Variants in C4orf50 observed in about 807,000 individuals in gnomAD.
C4orf50 encodes the protein chromosome 4 open reading frame 50, also known as uncharacterized protein C4orf50.
A neutral mutation model predicts 77.2 loss-of-function variants in C4orf50; 80 were observed. That is an observed-to-expected ratio of 1.04 (90% CI 0.87 to 1.25). The LOEUF (loss-of-function observed/expected upper bound fraction) is 1.25. Among genes scored for constraint, C4orf50 ranks in the 50% most tolerant of loss-of-function variants. The pLI is 0.00. For missense variants in C4orf50, 1,257 were observed against 1,152.9 expected, an observed-to-expected ratio of 1.09 and a Z score of -1.31; for synonymous variants, 532 against 465.3, an observed-to-expected ratio of 1.14 and a Z score of -1.84.
intron 7 of C4orf50, among the ~76,000 whole-genome samples, chr4:5,930,512 G>A (rs918425821): frequency 6.6e-6 from 1 of 152,268 alleles, no homozygotes; most frequent in Admixed American, 6.5e-5. Context: ...AAAGTGTTCA[G>A]GTTTTGTGAA....
intron 27 of C4orf50, among the ~76,000 whole-genome samples, chr4:5,991,714 A>T (rs7697907): frequency 0.46 from 70,504 of 151,814 alleles, 17,466 homozygotes; most frequent in East Asian, 0.84. Flanking sequence ...GAGCAGGTCT[A>T]AGACACAGAA....
At chr4:5,930,988 A>G (rs1352402502) in intron 7 of C4orf50, among the ~76,000 whole-genome samples, 1 of 152,224 alleles carries the variant, frequency 6.6e-6, no homozygotes. Context: ...CGCCTCGTGC[A>G]TAAATGAGCA....
intron 32 of C4orf50, among the ~76,000 whole-genome samples, chr4:5,965,436 C>T (rs1255665293): frequency 3.3e-5 from 5 of 152,246 alleles, no homozygotes; most frequent in South Asian, 4.1e-4. Flanking sequence ...GGACCACTGC[C>T]TTTGCAAGCC....
exon 28 of C4orf50, chr4:5,990,576 T>C (rs1383573653): frequency 1.3e-5 from 5 of 398,990 alleles, no homozygotes; most frequent in African/African-American, 6.2e-5. Flanking sequence ...CTTGGATTTT[T>C]TGTCCATCTG....
At chr4:5,928,760 T>G (rs1717633926) in intron 7 of C4orf50, among the ~76,000 whole-genome samples, 1 of 152,230 alleles carries the variant, frequency 6.6e-6, no homozygotes, top group African/African-American at 2.4e-5. Context: ...AATGAACATG[T>G]CAAACGCTTT....
intron 7 of C4orf50, among the ~76,000 whole-genome samples, chr4:5,938,665 T>A (rs948138806): frequency 3.3e-5 from 5 of 152,208 alleles, no homozygotes; most frequent in Non-Finnish European, 7.3e-5. Context: ...ATAACCTTTT[T>A]TATATTTAAT....
chr4:5,958,010 C>T lies in C4orf50; in HGVS notation c.*1365G>A, dbSNP rs1277220371. On this transcript the variant is annotated 3_prime_UTR_variant, in exon 34 of 34. Transcript: ENST00000531445. This position sits in a 1 kb window ranked among gnomAD's most constrained non-coding sequence, Gnocchi z 5.4. ...TACACTTTGACACTTCCTGGGGAGC[C>T]GTCAGTTCCTTGTCCTTGTCCTTGT... 2.0e-5 allele frequency: 3 copies of T among 152,220 alleles called. No homozygotes were observed. The highest frequency in any genetic ancestry group is 1.9e-4 in the East Asian group (1 of 5,200). 9.4% of individuals were successfully genotyped at this position (152,220 alleles called of 1,614,324 possible).
At chr4:5,965,734 G>A (rs1428480128) in intron 32 of C4orf50, among the ~76,000 whole-genome samples, 2 of 152,184 alleles carry the variant, frequency 1.3e-5, no homozygotes, top group African/African-American at 4.8e-5. Flanking sequence ...ATCCTGAGGC[G>A]TCAAAGACTG....
intron 28 of C4orf50, among the ~76,000 whole-genome samples, chr4:5,981,263 T>C (rs1252615710): frequency 1.3e-5 from 2 of 152,184 alleles, no homozygotes; most frequent in Non-Finnish European, 2.9e-5. Context: ...GTGGCCGTGC[T>C]GAACACTCGG....
At chr4:5,927,997 G>A (rs1327859291) in intron 7 of C4orf50, among the ~76,000 whole-genome samples, 1 of 152,174 alleles carries the variant, frequency 6.6e-6, no homozygotes, top group Non-Finnish European at 1.5e-5. Flanking sequence ...CGCACAGGAG[G>A]CCTGCCTCAC....
intron 7 of C4orf50, among the ~76,000 whole-genome samples, chr4:5,951,646 G>C (rs114910244): frequency 6.6e-6 from 1 of 152,078 alleles, no homozygotes; most frequent in Non-Finnish European, 1.5e-5. Flanking sequence ...TAAGACAGAC[G>C]GCATGAAATA....
chr4:5,980,358 G>C lies in C4orf50; in HGVS notation c.3700-20C>G, dbSNP rs1371762100. ...CCGGAGCTGCGGAAATCACAGATTT[G>C]AATGAAATGTTTAGGTTATCCTTCA... On this transcript the variant is annotated intron_variant, in intron 28 of 33. Transcript: ENST00000531445. 8 of 1,606,272 alleles carry C rather than the reference G, an allele frequency of 5.0e-6. 1 individual carries two copies. The highest frequency in any genetic ancestry group is 3.4e-5 in the South Asian group (3 of 89,524).
At chr4:5,990,623 C>A (rs1169150986) in exon 28 of C4orf50, 7 of 398,976 alleles carry the variant, frequency 1.8e-5, no homozygotes, top group Non-Finnish European at 2.7e-5. Flanking sequence ...CGCCAAGAAG[C>A]GGAGTCCCCA....
intron 25 of C4orf50, among the ~76,000 whole-genome samples, chr4:5,998,314 C>T (rs577067416): frequency 1.3e-5 from 2 of 152,278 alleles, no homozygotes; most frequent in African/African-American, 4.8e-5. Flanking sequence ...CTTCCTTTTA[C>T]ATTATTTGCA....
chr4:5,907,236 A>C (rs1167140139), intron 7 of C4orf50, among the ~76,000 whole-genome samples: 1 of 152,244 alleles, frequency 6.6e-6, no homozygotes, highest in African/African-American at 2.4e-5. Flanking sequence ...TAACATATAG[A>C]TACTGCATTC....
At chr4:5,986,817 A>G (rs1720890919) in intron 28 of C4orf50, among the ~76,000 whole-genome samples, 1 of 152,120 alleles carries the variant, frequency 6.6e-6, no homozygotes, top group Non-Finnish European at 1.5e-5. Flanking sequence ...GATTACAGGC[A>G]TGAGCCACCA....
chr4:5,986,779 C>T (rs573626560), intron 28 of C4orf50, among the ~76,000 whole-genome samples: 9 of 152,040 alleles, frequency 5.9e-5, no homozygotes, highest in East Asian at 3.9e-4. Flanking sequence ...CCTCATGATC[C>T]GCCCTCCTTG....
chr4:5,927,054 G>A (rs144092188), intron 7 of C4orf50, among the ~76,000 whole-genome samples: 1 of 152,294 alleles, frequency 6.6e-6, no homozygotes, highest in African/African-American at 2.4e-5. Flanking sequence ...TGCCCACTGT[G>A]GAAGGGGAAG....
rs1722350016 is a variant in C4orf50 at position 6,008,507 on chromosome 4, C to T, written c.452G>A (p.Arg151Gln). The change falls in exon 25 of 34, where the codon CGG becomes CAG. Residue 151 changes from arginine to glutamine, a missense_variant. Arg to Gln is a conservative substitution (Grantham distance 43). Coordinates refer to ENST00000531445, the Ensembl canonical transcript of C4orf50. The surrounding 1 kb of genome is among the most constrained non-coding windows in gnomAD (Gnocchi z 6.0). ...CAACCGCCGCAGCCGCCACTGCTGC[C>T]GCCTGGCCACGCTCTCCTCCCGGAT... 1 of 398,142 alleles carries T rather than the reference C, an allele frequency of 2.5e-6. No individual in the cohort carries two copies. The highest frequency in any genetic ancestry group is 6.3e-4 in the Middle Eastern group (1 of 1,588). 24.7% of individuals were successfully genotyped at this position (398,142 alleles called of 1,614,324 possible).
Sources: allele counts gnomAD v4.1 joint callset (sites outside exome capture counted in the v4.1 genomes callset), GRCh38; gene constraint gnomAD v4.1.1; non-coding constraint Gnocchi (gnomAD v3.1); transcripts MANE v1.5; gene names NCBI Gene and HGNC (gene_info 2026-07-23, HGNC 2026-07-21).